Variants in ARHGAP5 observed in about 807,000 individuals in gnomAD.
The protein encoded by ARHGAP5 is rho GTPase-activating protein 5.
ARHGAP5 carries 23 observed loss-of-function variants against 116.6 expected under a neutral mutation model. That is an observed-to-expected ratio of 0.20 (90% CI 0.14 to 0.28). ARHGAP5 has a LOEUF of 0.28. Ranked by LOEUF, ARHGAP5 falls within the 10% of genes least tolerant of loss-of-function variation. ARHGAP5 has a pLI of 1.00. For missense variants in ARHGAP5, 1,405 were observed against 1,774.8 expected (o/e 0.79, Z 3.74); for synonymous variants, 574 against 602.0 (o/e 0.95, Z 0.68).
rs1172702566 is a variant in ARHGAP5, at chr14:32,159,635, AT to A, written c.*4691del. 1 of 152,078 alleles carries A rather than the reference AT, an allele frequency of 6.6e-6. No individual in the cohort carries two copies. 9.4% of individuals were successfully genotyped at this position (152,078 alleles called of 1,614,324 possible). ...GGTACTTGCTGCAAGTTCTTGAACT[AT>A]TTTACCAGCTTTAACTTTGGGGCTC... On this transcript the variant is annotated 3_prime_UTR_variant, in exon 7 of 7. Coordinates refer to ENST00000345122, the MANE Select transcript of ARHGAP5 (RefSeq NM_001030055.2).
intron 2 of ARHGAP5, among the ~76,000 whole-genome samples, chr14:32,105,496 AGAG>A (rs1382892014): frequency 1.8e-4 from 28 of 151,858 alleles, no homozygotes; most frequent in Non-Finnish European, 5.9e-5. Context: ...TTTAAAAAAA[AGAG>A]AGACCCCATG....
intron 1 of ARHGAP5, among the ~76,000 whole-genome samples, chr14:32,087,178 T>C (rs776468050): frequency 1.3e-5 from 2 of 148,788 alleles, no homozygotes; most frequent in East Asian, 1.9e-4. Flanking sequence ...AGTGGGAGCA[T>C]GAAAAAAAAC....
chr14:32,101,148 T>C (rs1213726719), intron 2 of ARHGAP5, among the ~76,000 whole-genome samples: 1 of 152,200 alleles, frequency 6.6e-6, no homozygotes, highest in Admixed American at 6.5e-5. Flanking sequence ...TACCAACTTG[T>C]ATTCCTTCTA....
At chr14:32,104,084 G>A (rs893544899) in intron 2 of ARHGAP5, among the ~76,000 whole-genome samples, 2 of 152,068 alleles carry the variant, frequency 1.3e-5, no homozygotes, top group African/African-American at 2.4e-5. Context: ...GAGTTTTAAC[G>A]GTTTCAAATA....
At chr14:32,133,660 C>T (rs1880627968) in intron 3 of ARHGAP5, among the ~76,000 whole-genome samples, 1 of 152,054 alleles carries the variant, frequency 6.6e-6, no homozygotes, top group African/African-American at 2.4e-5. Context: ...TGTCTTGTGC[C>T]CGTTTTCAAA....
intron 1 of ARHGAP5, among the ~76,000 whole-genome samples, chr14:32,087,643 T>C (rs987003859): frequency 6.6e-6 from 1 of 151,906 alleles, no homozygotes; most frequent in Non-Finnish European, 1.5e-5. Flanking sequence ...AAAATCACTA[T>C]ATGGTGACTC....
At chr14:32,079,139 A>C (rs1043589530) in intron 1 of ARHGAP5, among the ~76,000 whole-genome samples, 4 of 152,228 alleles carry the variant, frequency 2.6e-5, no homozygotes. Flanking sequence ...TATGCTTGTA[A>C]CTTTCAAGAA....
Position 32,091,793 on chromosome 14 carries a change from A to G in ARHGAP5, c.1124A>G (p.Gln375Arg), listed in dbSNP as rs1412005951. 1.8e-5 allele frequency: 29 copies of G among 1,613,570 alleles called. No homozygotes were observed. The highest frequency in any genetic ancestry group is 2.4e-5 in the Non-Finnish European group (28 of 1,179,668). The part of the protein sequence containing the change: ...LKLMEKRADF[Q>R]LCFVVLEKTP... ...TTAATGGAAAAGAGAGCAGATTTCC[A>G]GTTATGTTTTGTGGTGCTAGAAAAA... is the stretch of plus-strand genomic sequence containing the variant. Residue 375 changes from glutamine to arginine, a missense_variant, in exon 2 of 7, where the codon CAG becomes CGG. Physicochemically the swap from Gln to Arg is conservative, Grantham distance 43. Coordinates refer to ENST00000345122, the MANE Select transcript of ARHGAP5 (RefSeq NM_001030055.2).
At chr14:32,123,525 A>G (rs1051118546) in intron 3 of ARHGAP5, among the ~76,000 whole-genome samples, 2 of 149,656 alleles carry the variant, frequency 1.3e-5, no homozygotes, top group Non-Finnish European at 3.0e-5. Context: ...ATTCTGTTCT[A>G]TATCATTTCT....
At chr14:32,133,808 G>C (rs1390506592) in intron 3 of ARHGAP5, among the ~76,000 whole-genome samples, 1 of 152,080 alleles carries the variant, frequency 6.6e-6, no homozygotes, top group Non-Finnish European at 1.5e-5. Flanking sequence ...TTTGAATTTT[G>C]TCAAAGGCCT....
chr14:32,136,527 G>A (rs993171561), intron 3 of ARHGAP5, among the ~76,000 whole-genome samples: 4 of 152,134 alleles, frequency 2.6e-5, no homozygotes, highest in African/African-American at 9.7e-5. Context: ...TATTTGGATT[G>A]TTTTCATTCT....
intron 1 of ARHGAP5, among the ~76,000 whole-genome samples, chr14:32,089,249 A>G (rs1216879416): frequency 1.3e-5 from 2 of 151,978 alleles, no homozygotes; most frequent in Non-Finnish European, 2.9e-5. Context: ...GTGTAATTGA[A>G]ATAGATGTTT....
chr14:32,107,498 A>C (rs1879072715), intron 2 of ARHGAP5, among the ~76,000 whole-genome samples: 1 of 152,188 alleles, frequency 6.6e-6, no homozygotes, highest in South Asian at 2.1e-4. Context: ...ATGTTTACTG[A>C]GTATCTACCA....
intron 1 of ARHGAP5, among the ~76,000 whole-genome samples, chr14:32,088,061 A>G (rs1046861402): frequency 6.6e-6 from 1 of 152,020 alleles, no homozygotes; most frequent in African/African-American, 2.4e-5. Flanking sequence ...CTTAACATAT[A>G]GAGTATATCT....
At position 32,092,456 on chromosome 14, in the gene ARHGAP5, T is replaced by C; in HGVS notation, c.1787T>C (p.Val596Ala). 1 of 1,613,928 alleles carries C rather than the reference T, an allele frequency of 6.2e-7. No homozygotes were observed. ...CACGATAGTACCAATATAGATAAAG[T>C]TAACCTTTTTATTTTAGGGAAGGAT... Reference protein sequence around the residue: ...LYHDSTNIDKVNLFILGKDGL... With the variant: ...LYHDSTNIDKANLFILGKDGL... Residue 596 changes from valine (V) to alanine (A), a missense_variant, in exon 2 of 7, where the codon GTT (valine) becomes GCT (alanine). Physicochemically the swap from Val to Ala is moderately conservative, Grantham distance 64. Around this residue, in one of 6 missense-constraint regions of ARHGAP5, gnomAD observed 944 missense variants for 1,095.3 expected, o/e 0.86. Transcript: ENST00000345122. The surrounding 1 kb of genome is among the most constrained non-coding windows in gnomAD (Gnocchi z 4.1).
rs1294869585 is a variant in ARHGAP5 at position 32,090,665 on chromosome 14, G to A, written c.-5G>A. The A allele has an allele frequency of 6.3e-7, 1 of 1,587,010 alleles. No individual in the cohort carries two copies. Among genetic ancestry groups the A allele is most frequent in the East Asian group, 2.2e-5 (1 of 44,768 alleles). Reference sequence around the variant, plus strand: ...TTATGAATGTAGAGACATGAGAAGAGAGTTATGATGGCAAAAAACAAAGAG... The same window carrying A: ...TTATGAATGTAGAGACATGAGAAGAAAGTTATGATGGCAAAAAACAAAGAG... On this transcript the variant is annotated 5_prime_UTR_variant, in exon 2 of 7. Transcript: ENST00000345122.
Position 32,137,971 on chromosome 14 carries a change from CA to C in ARHGAP5, c.3866-8272del, listed in dbSNP as rs570604721. Among the ~76,000 whole-genome samples, 772 of 79,270 alleles carry C rather than the reference CA, an allele frequency of 9.7e-3. 3 individuals are homozygous for C. Among genetic ancestry groups the C allele is most frequent in the African/African-American group, 0.029 (575 of 20,098 alleles). The allele number at this position is 79,270 out of a possible 152,430, so 52.0% of individuals were successfully genotyped here. The stretch of plus-strand genomic sequence containing the variant: ...TGGGGACAAGAGTGAGGCTTCGTCT[CA>C]AAAAAAAAAAAAAAAAAAATTTCAC... On this transcript the variant is annotated intron_variant, in intron 3 of 6. Transcript: ENST00000345122.
chr14:32,088,377 AAAAG>A (rs1305841468), intron 1 of ARHGAP5, among the ~76,000 whole-genome samples: 3 of 151,972 alleles, frequency 2.0e-5, no homozygotes, highest in African/African-American at 4.8e-5. Flanking sequence ...CTAATAAAAA[AAAAG>A]AATAGATCTT....
chr14:32,084,564 T>C (rs116595416), intron 1 of ARHGAP5, among the ~76,000 whole-genome samples: 2,269 of 152,322 alleles, frequency 0.015, 51 homozygotes, highest in African/African-American at 0.051. Flanking sequence ...GAGCCCTCAC[T>C]GTGTATCAGG....
Sources: allele counts gnomAD v4.1 joint callset (sites outside exome capture counted in the v4.1 genomes callset), GRCh38; gene constraint gnomAD v4.1.1; regional missense constraint gnomAD v4.1.1; non-coding constraint Gnocchi (gnomAD v3.1); transcripts MANE v1.5; gene names NCBI Gene and HGNC (gene_info 2026-07-23, HGNC 2026-07-21).